Variants in ACVR2A observed in about 807,000 individuals in gnomAD.
ACVR2A encodes activin receptor type-2A.
In ACVR2A, 7 loss-of-function variants were observed where a neutral mutation model predicts 61.4. The observed-to-expected ratio is 0.11, with a 90% confidence interval of 0.06 to 0.21. ACVR2A has a LOEUF of 0.21. Among genes scored for constraint, ACVR2A ranks in the 10% least tolerant of loss-of-function variants. ACVR2A has a pLI of 1.00. For synonymous variants in ACVR2A, 193 were observed against 208.3 expected (o/e 0.93, Z 0.63); for missense variants, 322 against 621.7 (o/e 0.52, Z 5.13).
At chr2:147,892,873 A>C (rs1487256398) in intron 1 of ACVR2A, among the ~76,000 whole-genome samples, 1 of 151,464 alleles carries the variant, frequency 6.6e-6, no homozygotes, top group Non-Finnish European at 1.5e-5. Flanking sequence ...AAGATATGGT[A>C]GTTTCTTTTC....
chr2:147,927,079 G>A lies in ACVR2A; in HGVS notation c.1348-1G>A. The A allele has an allele frequency of 6.2e-7, 1 of 1,610,272 alleles. No individual in the cohort carries two copies. Among genetic ancestry groups the A allele is most frequent in the Non-Finnish European group, 8.5e-7 (1 of 1,177,956 alleles). ...TTGAGTATATGTTTTTCTCCTTTTA[G>A]GGAATGGCAATGCTCTGTGAAACCA... On this transcript the variant is annotated splice_acceptor_variant, in intron 10 of 10. Coordinates refer to ENST00000241416, the MANE Select transcript of ACVR2A (RefSeq NM_001616.5). LOFTEE classifies it high-confidence loss of function.
intron 6 of ACVR2A, among the ~76,000 whole-genome samples, chr2:147,917,916 G>C (rs1687286499): frequency 1.3e-5 from 2 of 151,836 alleles, no homozygotes; most frequent in African/African-American, 4.8e-5. Context: ...GAGTCAGTGT[G>C]AAAGTACCAT....
chr2:147,914,589 A>T (rs907319710), intron 4 of ACVR2A, among the ~76,000 whole-genome samples: 1 of 151,938 alleles, frequency 6.6e-6, no homozygotes, highest in Non-Finnish European at 1.5e-5. Flanking sequence ...ATGAATTGTT[A>T]ATATGTTTAA....
Position 147,915,339 on chromosome 2 carries a change from G to GGA in ACVR2A, c.672+5_672+6insGA. On this transcript the variant is annotated splice_donor_region_variant and intron_variant, in intron 5 of 10. Coordinates refer to ENST00000241416, the MANE Select transcript of ACVR2A (RefSeq NM_001616.5). ...GTCAAAATATTTCCAATACAGGTAT[G>GGA]TTTATTGCAGTTTTGTCATCTTACA... 1 of 1,610,714 alleles carries GGA rather than the reference G, an allele frequency of 6.2e-7. No individual in the cohort carries two copies. Among genetic ancestry groups the GGA allele is most frequent in the South Asian group, 1.1e-5 (1 of 90,896 alleles).
At chr2:147,890,743 T>C (rs1686562539) in intron 1 of ACVR2A, among the ~76,000 whole-genome samples, 2 of 152,130 alleles carry the variant, frequency 1.3e-5, no homozygotes, top group Admixed American at 1.3e-4. Context: ...CCATCCTTTT[T>C]AGAACTACAC....
intron 1 of ACVR2A, among the ~76,000 whole-genome samples, chr2:147,870,070 A>G (rs766715415): frequency 2.4e-5 from 3 of 124,776 alleles, no homozygotes; most frequent in South Asian, 3.0e-4. Context: ...ATATGGGAGG[A>G]CGTATGAGGA....
At chr2:147,871,531 G>C (rs1322272017) in intron 1 of ACVR2A, among the ~76,000 whole-genome samples, 1 of 151,982 alleles carries the variant, frequency 6.6e-6, no homozygotes, top group Non-Finnish European at 1.5e-5. Context: ...AAAATTATAA[G>C]TACATTTTTA....
chr2:147,917,207 T>C, intron 5 of ACVR2A, 76 bp from the exon 6 acceptor site: 8 of 1,404,930 alleles, frequency 5.7e-6, no homozygotes, highest in South Asian at 3.1e-5. Flanking sequence ...TTGGAACTTA[T>C]TTGAGTAATC....
At chr2:147,870,868 A>G (rs1273396992) in intron 1 of ACVR2A, among the ~76,000 whole-genome samples, 1 of 151,982 alleles carries the variant, frequency 6.6e-6, no homozygotes, top group Non-Finnish European at 1.5e-5. Context: ...AAATATAGCT[A>G]GAATCTTTTT....
chr2:147,870,209 C>T (rs1196268808), intron 1 of ACVR2A, among the ~76,000 whole-genome samples: 1 of 151,956 alleles, frequency 6.6e-6, no homozygotes, highest in Non-Finnish European at 1.5e-5. Context: ...TATAAGAAAA[C>T]CTTCTATAAT....
At chr2:147,908,342 T>G (rs1309935972) in intron 4 of ACVR2A, among the ~76,000 whole-genome samples, 1 of 152,182 alleles carries the variant, frequency 6.6e-6, no homozygotes, top group Non-Finnish European at 1.5e-5. Context: ...TTTCAGACTT[T>G]TAACTCCAGT....
Position 147,855,266 on chromosome 2 carries a change from A to G in ACVR2A, c.55+10059A>G, listed in dbSNP as rs573176694. Among the ~76,000 whole-genome samples the G allele has an allele frequency of 7.2e-5, 11 of 152,300 alleles. No homozygotes were observed. The East Asian group carries it at 2.1e-3, about 29-fold the overall frequency. On this transcript the variant is annotated intron_variant, in intron 1 of 10. Coordinates refer to ENST00000241416, the MANE Select transcript of ACVR2A (RefSeq NM_001616.5). Reference sequence around the variant, plus strand: ...GACTTTTTCTTAATACTTCCAATGCATGGCACAGTTTCTGGCACAGAGGCG... The same window carrying G: ...GACTTTTTCTTAATACTTCCAATGCGTGGCACAGTTTCTGGCACAGAGGCG...
Position 147,928,275 on chromosome 2 carries a change from TAG to T in ACVR2A, c.*1004_*1005del, listed in dbSNP as rs1363685859. 3.9e-5 allele frequency: 6 copies of T among 152,496 alleles called. No homozygotes were observed. The highest frequency in any genetic ancestry group is 1.3e-4 in the Admixed American group (2 of 15,202). 9.4% of individuals were successfully genotyped at this position (152,496 alleles called of 1,614,324 possible). On this transcript the variant is annotated 3_prime_UTR_variant, in exon 11 of 11. Transcript: ENST00000241416. Reference sequence around the variant, plus strand: ...AAGCTCTTCATTTTATCTTTTAAAATAGAGTTTTTTCTATTTATATATGTAAA... The same window carrying T: ...AAGCTCTTCATTTTATCTTTTAAAATAGTTTTTTCTATTTATATATGTAAA...
intron 4 of ACVR2A, among the ~76,000 whole-genome samples, chr2:147,910,524 A>G (rs1479485868): frequency 6.6e-6 from 1 of 152,100 alleles, no homozygotes; most frequent in Non-Finnish European, 1.5e-5. Context: ...AAGAAAATCT[A>G]GAAGGAAGAA....
intron 1 of ACVR2A, among the ~76,000 whole-genome samples, chr2:147,864,173 A>C (rs753089805): frequency 6.6e-6 from 1 of 152,072 alleles, no homozygotes; most frequent in Non-Finnish European, 1.5e-5. Flanking sequence ...CAAATTGATT[A>C]AATGATGTAG....
At chr2:147,909,015 T>C (rs1026690008) in intron 4 of ACVR2A, among the ~76,000 whole-genome samples, 1 of 152,200 alleles carries the variant, frequency 6.6e-6, no homozygotes, top group Non-Finnish European at 1.5e-5. Flanking sequence ...TCCATTTATA[T>C]GTCTCCAAGC....
At chr2:147,907,876 T>TA (rs1558810409) in intron 4 of ACVR2A, among the ~76,000 whole-genome samples, 1 of 151,508 alleles carries the variant, frequency 6.6e-6, no homozygotes, top group Admixed American at 6.6e-5. Flanking sequence ...CCATCTCTAC[T>TA]AAAAATACAA....
At chr2:147,878,071 A>G (rs1043755356) in intron 1 of ACVR2A, among the ~76,000 whole-genome samples, 4 of 152,158 alleles carry the variant, frequency 2.6e-5, no homozygotes, top group Non-Finnish European at 4.4e-5. Flanking sequence ...CTATAGAGCT[A>G]CTATTAAAAT....
rs1371870584 is a variant in ACVR2A at position 147,927,346 on chromosome 2, CAGTTTATTTTCTGTGTA to C, written c.*74_*90del. ...GCTGCTAAGCTAAAGAAACTGCTTA[CAGTTTATTTTCTGTGTA>C]AAATGAGTAGGATGTCTCTTGGAAA... On this transcript the variant is annotated 3_prime_UTR_variant, in exon 11 of 11. Transcript: ENST00000241416. 4 of 1,384,366 alleles carry C rather than the reference CAGTTTATTTTCTGTGTA, an allele frequency of 2.9e-6. No individual in the cohort carries two copies. The East Asian group carries it at 9.6e-5, about 33-fold the overall frequency. 85.8% of individuals were successfully genotyped at this position (1,384,366 alleles called of 1,614,324 possible). A position where few individuals can be genotyped will look rare whatever the true frequency, so the allele number is the denominator to read the frequency against.
Sources: gnomAD v4.1 joint callset for allele counts (sites outside exome capture counted in the v4.1 genomes callset) on GRCh38, gnomAD v4.1.1 for gene constraint, MANE v1.5 for transcripts, NCBI Gene and HGNC (gene_info 2026-07-23, HGNC 2026-07-21) for gene names.